The following IPO11 variants were observed in gnomAD, a reference collection of about 807,000 sequenced individuals.
IPO11 encodes the protein importin-11.
In IPO11, 66 loss-of-function variants were observed where a neutral mutation model predicts 143.2. The observed-to-expected ratio is 0.46, with a 90% CI of 0.38 to 0.57. IPO11 has a LOEUF of 0.57. Among genes scored for constraint, IPO11 ranks in the 20% least tolerant of loss-of-function variants. The pLI, the probability that IPO11 is intolerant of heterozygous loss-of-function variation, is 0.00. For missense variants in IPO11, 1,026 were observed against 1,141.0 expected, an observed-to-expected ratio of 0.90 and a Z score of 1.45; for synonymous variants, 385 against 377.8, an observed-to-expected ratio of 1.02 and a Z score of -0.22.
Position 62,523,649 on chromosome 5 carries a change from G to A in IPO11, c.1897-2493G>A, listed in dbSNP as rs28392185. 9.2e-3 allele frequency among the ~76,000 whole-genome samples: 1,394 copies of A among 152,226 alleles called. 21 individuals are homozygous for A. Among genetic ancestry groups the A allele is most frequent in the African/African-American group, 0.032 (1,310 of 41,544 alleles). On this transcript the variant is annotated intron_variant, in intron 20 of 29. Transcript: ENST00000325324. ...GGAGGTAGCCATGATATAATTTATCGCTAGGTAGATAGTGATTCATGTCAC... is the reference window on the plus strand; with the variant it reads ...GGAGGTAGCCATGATATAATTTATCACTAGGTAGATAGTGATTCATGTCAC...
chr5:62,490,041 CAT>C (rs1398558142), intron 14 of IPO11, 72 bp from the exon 15 acceptor site: 12 of 726,324 alleles, frequency 1.7e-5, no homozygotes, highest in Middle Eastern at 3.6e-4. Flanking sequence ...CTTTAATTAA[CAT>C]ATGTTTCATA....
intron 29 of IPO11, among the ~76,000 whole-genome samples, chr5:62,622,892 C>A (rs181436745): frequency 6.6e-6 from 1 of 152,220 alleles, no homozygotes; most frequent in Non-Finnish European, 1.5e-5. Context: ...CCTTTACTTA[C>A]AAGCTGGTCA....
At chr5:62,417,926 G>A (rs1157043630) in intron 1 of IPO11, among the ~76,000 whole-genome samples, 1 of 152,082 alleles carries the variant, frequency 6.6e-6, no homozygotes, top group African/African-American at 2.4e-5. Context: ...ATTAACTTAT[G>A]TGTAACCCCT....
chr5:62,500,698 A>C (rs188878908), intron 16 of IPO11, among the ~76,000 whole-genome samples: 2 of 152,060 alleles, frequency 1.3e-5, no homozygotes, highest in Admixed American at 6.6e-5. Context: ...GGATCTCTCT[A>C]TGTTGCCCAG....
At chr5:62,558,706 G>A (rs933779643) in intron 26 of IPO11, among the ~76,000 whole-genome samples, 1 of 151,872 alleles carries the variant, frequency 6.6e-6, no homozygotes, top group African/African-American at 2.4e-5. Flanking sequence ...AATACTATCG[G>A]CATTTTTTCA....
intron 1 of IPO11, among the ~76,000 whole-genome samples, chr5:62,416,104 C>T (rs1743285449): frequency 6.6e-6 from 1 of 151,790 alleles, no homozygotes; most frequent in African/African-American, 2.4e-5. Flanking sequence ...TGGCCACCTT[C>T]TTGCTGCCTT....
intron 9 of IPO11, among the ~76,000 whole-genome samples, chr5:62,481,175 C>T (rs1398378355): frequency 6.6e-6 from 1 of 152,038 alleles, no homozygotes; most frequent in Admixed American, 6.5e-5. Context: ...GCCTTGGCCT[C>T]CCAAAGTGCT....
intron 27 of IPO11, chr5:62,579,724 A>G: frequency 6.5e-7 from 1 of 1,548,318 alleles, no homozygotes. Flanking sequence ...TAATTCTAAC[A>G]TTCTGTATGT....
intron 24 of IPO11, among the ~76,000 whole-genome samples, chr5:62,539,263 C>T (rs1176531675): frequency 6.6e-6 from 1 of 152,108 alleles, no homozygotes; most frequent in Non-Finnish European, 1.5e-5. Context: ...CTTTCTCTTA[C>T]CTTCTGGTGA....
At chr5:62,613,672 C>T (rs548696583) in intron 29 of IPO11, among the ~76,000 whole-genome samples, 1 of 152,162 alleles carries the variant, frequency 6.6e-6, no homozygotes, top group South Asian at 2.1e-4. Context: ...TATTCCTTCC[C>T]TTTGAAACTG....
At position 62,486,129 on chromosome 5, in the gene IPO11, C is replaced by T. The variant is rs985506883; in HGVS notation, c.1218+667C>T. On this transcript the variant is annotated intron_variant, in intron 12 of 29. Transcript: ENST00000325324. ...CCGAGTAGCTGGGAATACAGGCGCC[C>T]GCCACCACGCCCAGCTAATTTTTTG... Among the ~76,000 whole-genome samples, 4 of 151,588 alleles carry T rather than the reference C, an allele frequency of 2.6e-5. No individual in the cohort carries two copies. In the East Asian group the frequency reaches 5.9e-4, roughly 22 times the overall value.
chr5:62,550,395 C>G lies in IPO11; in HGVS notation c.2279C>G (p.Pro760Arg), dbSNP rs868340926. The G allele has an allele frequency of 6.2e-7, 1 of 1,612,554 alleles. No homozygotes were observed. The highest frequency in any genetic ancestry group is 8.5e-7 in the Non-Finnish European group (1 of 1,179,094). ...GTGGAAAATGCCCTTAAAGTGAACCCAATACTAGGTCCACAAATGTTTCAA... is the reference window on the plus strand; with the variant it reads ...GTGGAAAATGCCCTTAAAGTGAACCGAATACTAGGTCCACAAATGTTTCAA... ...KVVENALKVNPILGPQMFQPI... is the reference protein window; with the variant it reads ...KVVENALKVNRILGPQMFQPI... The change falls in exon 25 of 30, where the codon CCA (proline) becomes CGA (arginine). Residue 760 changes from proline (P) to arginine (R), a missense_variant. Physicochemically the swap from Pro to Arg is moderately radical, Grantham distance 103 (BLOSUM62 -2). Around this residue, in one of 5 missense-constraint regions of IPO11, gnomAD observed 351 missense variants for 358.9 expected, o/e 0.98. Coordinates refer to ENST00000325324, the MANE Select transcript of IPO11 (RefSeq NM_016338.5).
chr5:62,474,849 G>A (rs1745901047), intron 8 of IPO11, among the ~76,000 whole-genome samples: 1 of 152,132 alleles, frequency 6.6e-6, no homozygotes, highest in Non-Finnish European at 1.5e-5. Context: ...GCTACTAAGT[G>A]ATTAACAGGC....
At chr5:62,533,969 A>AAAGC (rs970446114) in intron 22 of IPO11, among the ~76,000 whole-genome samples, 5 of 131,860 alleles carry the variant, frequency 3.8e-5, no homozygotes, top group South Asian at 2.5e-4. Flanking sequence ...AAAAAAAAAG[A>AAAGC]AAGCCACTGG....
At chr5:62,617,150 G>A (rs1746171792) in intron 29 of IPO11, among the ~76,000 whole-genome samples, 1 of 152,120 alleles carries the variant, frequency 6.6e-6, no homozygotes, top group Non-Finnish European at 1.5e-5. Flanking sequence ...GAGATACAAG[G>A]GAGCAGCTGT....
intron 1 of IPO11, among the ~76,000 whole-genome samples, chr5:62,436,630 A>T (rs1580175770): frequency 6.6e-6 from 1 of 152,336 alleles, no homozygotes; most frequent in African/African-American, 2.4e-5. Context: ...ATGGTATAGG[A>T]TTAGATGACC....
chr5:62,571,160 A>G (rs1171639672), intron 27 of IPO11, among the ~76,000 whole-genome samples: 2 of 151,970 alleles, frequency 1.3e-5, no homozygotes, highest in African/African-American at 4.8e-5. Context: ...TTTTTTGTTT[A>G]TTTTATTTTA....
intron 19 of IPO11, chr5:62,512,612 A>AT (rs1206434070): frequency 0.031 from 14,953 of 477,896 alleles, 4 homozygotes; most frequent in East Asian, 0.1. Flanking sequence ...TTTTAATTTT[A>AT]TTTTTTTTTT....
At chr5:62,577,953 A>G (rs1320439012) in intron 27 of IPO11, among the ~76,000 whole-genome samples, 2 of 152,142 alleles carry the variant, frequency 1.3e-5, no homozygotes, top group Non-Finnish European at 2.9e-5. Flanking sequence ...AATGAAAGAA[A>G]GTTAATGACT....
Sources: allele counts gnomAD v4.1 joint callset (sites outside exome capture counted in the v4.1 genomes callset), GRCh38; gene constraint gnomAD v4.1.1; regional missense constraint gnomAD v4.1.1; transcripts MANE v1.5; gene names NCBI Gene and HGNC (gene_info 2026-07-23, HGNC 2026-07-21).